Variants in C19orf25 observed in about 807,000 individuals in gnomAD.
C19orf25 encodes UPF0449 protein C19orf25.
In C19orf25, 1 loss-of-function variant was observed where a neutral mutation model predicts 3.1. That is an observed-to-expected ratio of 0.32 (90% CI 0.12 to 1.54). The LOEUF (loss-of-function observed/expected upper bound fraction) is 1.54. C19orf25 is among the 40% of genes most tolerant of loss of function. C19orf25 has a pLI of 0.38. For missense variants in C19orf25, 196 were observed against 160.4 expected (o/e 1.22, Z -1.20); for synonymous variants, 91 against 74.3 (o/e 1.23, Z -1.16).
chr19:1,476,539 A>ATAT (rs1213266017), intron 2 of C19orf25: 2 of 373,228 alleles, frequency 5.4e-6, no homozygotes, highest in East Asian at 7.6e-5. Context: ...AGAACCTTCC[A>ATAT]GATGATGCGC....
chr19:1,478,036 C>T (rs2084223694), intron 2 of C19orf25, among the ~76,000 whole-genome samples: 2 of 152,094 alleles, frequency 1.3e-5, no homozygotes, highest in African/African-American at 4.8e-5. Context: ...GACAAGGTTC[C>T]ACCATGTTGG....
rs57364052 is a variant in C19orf25, at chr19:1,477,001, C to CT, written c.131-1744dup. 7.5e-4 allele frequency among the ~76,000 whole-genome samples: 107 copies of CT among 143,578 alleles called. 1 individual carries two copies. The highest frequency in any genetic ancestry group is 1.2e-3 in the Non-Finnish European group (76 of 65,576). The allele number at this position is 143,578 out of a possible 152,430, so 94.2% of individuals were successfully genotyped here. A position where few individuals can be genotyped will look rare whatever the true frequency, so the allele number is the denominator to read the frequency against. On this transcript the variant is annotated intron_variant, in intron 2 of 2. Transcript: ENST00000585675. ...TTCCACATGGCTCATTTTCTTTTTT[C>CT]TTTTTTTTTTTTGTTTGAGATAGAG...
At chr19:1,478,671 G>T (rs1272242693) in intron 2 of C19orf25, 103 bp downstream of exon 2, 6 of 1,511,302 alleles carry the variant, frequency 4.0e-6, no homozygotes, top group Admixed American at 2.1e-5. Context: ...ATGTTGCGGG[G>T]GTTCCCAGGG....
Position 1,474,914 on chromosome 19 carries a change from T to C in C19orf25, c.*118A>G, listed in dbSNP as rs2084187458. 5.9e-6 allele frequency: 9 copies of C among 1,523,966 alleles called. No homozygotes were observed. In the East Asian group the frequency reaches 2.2e-4, roughly 38 times the overall value. The allele number at this position is 1,523,966 out of a possible 1,614,324, so 94.4% of individuals were successfully genotyped here. ...GCCCCAGCATCAGGAGGGGCGCCTG[T>C]GTCAACACCCACGTGGGCTGGGACC... is the stretch of plus-strand genomic sequence containing the variant. On this transcript the variant is annotated 3_prime_UTR_variant, in exon 3 of 3. Transcript: ENST00000585675.
At chr19:1,478,205 A>G (rs1286010005) in intron 2 of C19orf25, among the ~76,000 whole-genome samples, 1 of 150,256 alleles carries the variant, frequency 6.7e-6, no homozygotes, top group Non-Finnish European at 1.5e-5. Context: ...TTTAGCCTCC[A>G]AGAAGCTGGG....
intron 2 of C19orf25, among the ~76,000 whole-genome samples, chr19:1,478,092 G>A (rs936712265): frequency 1.3e-5 from 2 of 151,868 alleles, no homozygotes; most frequent in Non-Finnish European, 2.9e-5. Context: ...CACCCACCTC[G>A]GCCTCCCAAA....
intron 2 of C19orf25, chr19:1,476,038 CA>C (rs1364977474): frequency 5.0e-6 from 2 of 396,124 alleles, no homozygotes; most frequent in African/African-American, 2.1e-5. Flanking sequence ...CTTAGGGAGG[CA>C]GGGGTGGCGA....
chr19:1,478,430 T>G, intron 2 of C19orf25: 2 of 486,780 alleles, frequency 4.1e-6, no homozygotes, highest in Non-Finnish European at 6.6e-6. Flanking sequence ...TTTGTTTTTG[T>G]TTTTGTTTTG....
intron 2 of C19orf25, among the ~76,000 whole-genome samples, chr19:1,476,648 C>CT (rs1043633348): frequency 1.3e-5 from 2 of 152,128 alleles, no homozygotes; most frequent in Non-Finnish European, 2.9e-5. Context: ...CAATTTTTCT[C>CT]TTTTTTTCTT....
At chr19:1,477,617 C>T (rs534176915) in intron 2 of C19orf25, among the ~76,000 whole-genome samples, 5 of 152,186 alleles carry the variant, frequency 3.3e-5, no homozygotes, top group Non-Finnish European at 7.3e-5. Flanking sequence ...CAGCCACTAA[C>T]CGTATGTGAA....
chr19:1,474,876 C>T lies in C19orf25; in HGVS notation c.*156G>A, dbSNP rs907854348. ...CACCAACTCGGCATGAATGAGACGA[C>T]GGATGAACCGCAGCCCCAGCATCAG... On this transcript the variant is annotated 3_prime_UTR_variant, in exon 3 of 3. Transcript: ENST00000585675. The T allele has an allele frequency of 2.2e-5, 33 of 1,497,268 alleles. No individual in the cohort carries two copies. In the Admixed American group the frequency reaches 2.8e-4, roughly 13 times the overall value. The allele number at this position is 1,497,268 out of a possible 1,614,324, so 92.7% of individuals were successfully genotyped here. A position where few individuals can be genotyped will look rare whatever the true frequency, so the allele number is the denominator to read the frequency against.
intron 1 of C19orf25, 48 bp downstream of exon 1, chr19:1,479,115 T>C (rs1480449286): frequency 7.6e-7 from 1 of 1,316,386 alleles, no homozygotes; most frequent in African/African-American, 1.6e-5. Context: ...TGGCTCAACC[T>C]CTGCCTCAGT....
intron 1 of C19orf25, 101 bp downstream of exon 1, chr19:1,479,062 C>T (rs2084237436): frequency 7.4e-7 from 1 of 1,351,956 alleles, no homozygotes; most frequent in Non-Finnish European, 9.5e-7. Context: ...CAGGCCCTGA[C>T]CCTCCCTCCG....
chr19:1,474,894 A>C lies in C19orf25; in HGVS notation c.*138T>G, dbSNP rs1236654426. The C allele has an allele frequency of 6.6e-7, 1 of 1,514,010 alleles. No individual in the cohort carries two copies. The highest frequency in any genetic ancestry group is 2.5e-5 in the East Asian group (1 of 40,426). 93.8% of individuals were successfully genotyped at this position (1,514,010 alleles called of 1,614,324 possible). A position where few individuals can be genotyped will look rare whatever the true frequency, so the allele number is the denominator to read the frequency against. On this transcript the variant is annotated 3_prime_UTR_variant, in exon 3 of 3. Transcript: ENST00000585675. Reference sequence around the variant, plus strand: ...GAGACGACGGATGAACCGCAGCCCCAGCATCAGGAGGGGCGCCTGTGTCAA... The same window carrying C: ...GAGACGACGGATGAACCGCAGCCCCCGCATCAGGAGGGGCGCCTGTGTCAA...
At chr19:1,478,253 T>A (rs2084226118) in intron 2 of C19orf25, among the ~76,000 whole-genome samples, 1 of 151,814 alleles carries the variant, frequency 6.6e-6, no homozygotes, top group African/African-American at 2.4e-5. Flanking sequence ...TAATTTTTTT[T>A]TTTTTTTGAG....
chr19:1,475,411 G>A lies in C19orf25; in HGVS notation c.131-153C>T, dbSNP rs151141274. On this transcript the variant is annotated intron_variant, in intron 2 of 2. Coordinates refer to ENST00000585675, the MANE Select transcript of C19orf25 (RefSeq NM_152482.3). ...AACATGACGGATGCAGCCAGGTGTG[G>A]TGGCTCACGCCTGTAATCCAGCACT... The A allele has an allele frequency of 1.5e-4, 116 of 749,814 alleles. No homozygotes were observed. In the African/African-American group the frequency reaches 1.7e-3, roughly 11 times the overall value. 46.4% of individuals were successfully genotyped at this position (749,814 alleles called of 1,614,324 possible). A position where few individuals can be genotyped will look rare whatever the true frequency, so the allele number is the denominator to read the frequency against.
In C19orf25 at chr19:1,475,378, G is replaced by T; in HGVS notation, c.131-120C>A. On this transcript the variant is annotated intron_variant, in intron 2 of 2. Transcript: ENST00000585675. ...TCCCCGAGTGAGCTTGCCAGCCGGG[G>T]TCTTCTTAACATGACGGATGCAGCC... The T allele has an allele frequency of 3.8e-6, 4 of 1,053,362 alleles. No homozygotes were observed. The South Asian group carries it at 5.0e-5, about 13-fold the overall frequency. The allele number at this position is 1,053,362 out of a possible 1,614,324, so 65.3% of individuals were successfully genotyped here.
At chr19:1,476,240 C>T (rs2084204249) in intron 2 of C19orf25, 1 of 398,766 alleles carries the variant, frequency 2.5e-6, no homozygotes, top group Non-Finnish European at 4.4e-6. Flanking sequence ...CTCCCACGGA[C>T]GAAGGCTCCA....
rs1279727953 is a variant in C19orf25 at position 1,475,273 on chromosome 19, A to G, written c.131-15T>C. On this transcript the variant is annotated splice_polypyrimidine_tract_variant and intron_variant, in intron 2 of 2. Transcript: ENST00000585675. ...AACTGGGGGGTCTGAGACAGGACACAGCAGCATCACTGCCTGCTGACCACC... is the reference window on the plus strand; with the variant it reads ...AACTGGGGGGTCTGAGACAGGACACGGCAGCATCACTGCCTGCTGACCACC... 26 of 1,532,996 alleles carry G rather than the reference A, an allele frequency of 1.7e-5. No individual in the cohort carries two copies. The highest frequency in any genetic ancestry group is 2.1e-5 in the Non-Finnish European group (24 of 1,133,856). 95.0% of individuals were successfully genotyped at this position (1,532,996 alleles called of 1,614,324 possible). A position where few individuals can be genotyped will look rare whatever the true frequency, so the allele number is the denominator to read the frequency against.
Sources: gnomAD v4.1 joint callset for allele counts (sites outside exome capture counted in the v4.1 genomes callset) on GRCh38, gnomAD v4.1.1 for gene constraint, MANE v1.5 for transcripts, NCBI Gene and HGNC (gene_info 2026-07-23, HGNC 2026-07-21) for gene names.